The following COL4A6 variants were observed in gnomAD, a reference collection of about 807,000 sequenced individuals.
COL4A6 encodes collagen type IV alpha 6 chain.
A neutral mutation model predicts 126.7 loss-of-function variants in COL4A6; 59 were observed. The ratio of observed to expected loss-of-function variants is 0.47; its 90% CI spans 0.38 to 0.58. The LOEUF (loss-of-function observed/expected upper bound fraction) is 0.58, where lower values mean the gene tolerates loss of function less well. COL4A6 is among the 20% of genes least tolerant of loss of function. COL4A6 has a pLI of 0.00. For synonymous variants in COL4A6, 547 were observed against 496.6 expected (o/e 1.10, Z -1.35); for missense variants, 1,285 against 1,337.3 (o/e 0.96, Z 0.61).
At position 108,195,077 on chromosome X, in the gene COL4A6, A is replaced by C; in HGVS notation, c.948+5T>G. The C allele has an allele frequency of 8.3e-7, 1 of 1,200,522 alleles. No homozygotes were observed. The highest frequency in any genetic ancestry group is 1.1e-6 in the Non-Finnish European group (1 of 887,678). On this transcript the variant is annotated splice_donor_5th_base_variant and intron_variant, in intron 15 of 44. Coordinates refer to ENST00000334504, the MANE Select transcript of COL4A6 (RefSeq NM_033641.4). ...CCAAGGCTTTAATGATATTAACCAA[A>C]ATACCTGTTGCCCTGGAGGGCCTTG...
intron 3 of COL4A6, among the ~76,000 whole-genome samples, chrX:108,275,889 C>T (rs2147780807): frequency 8.9e-6 from 1 of 112,751 alleles, no homozygotes; most frequent in Non-Finnish European, 1.9e-5. Flanking sequence ...AAAATGTAAC[C>T]TTTGCCTTGG....
At chrX:108,174,345 A>C in intron 31 of COL4A6, 95 bp downstream of exon 31, 1 of 915,182 alleles carries the variant, frequency 1.1e-6, no homozygotes, top group Admixed American at 2.5e-5. Flanking sequence ...GGGGCTGAGA[A>C]GTAAGCTGGG....
chrX:108,280,905 C>A (rs1360548215), intron 3 of COL4A6, among the ~76,000 whole-genome samples: 1 of 111,898 alleles, frequency 8.9e-6, no homozygotes, highest in African/African-American at 3.3e-5. Flanking sequence ...ACATGATTAC[C>A]TCAACAGATG....
chrX:108,354,992 T>A (rs1206173735), intron 2 of COL4A6, among the ~76,000 whole-genome samples: 6 of 111,740 alleles, frequency 5.4e-5, no homozygotes, highest in Non-Finnish European at 1.1e-4. Flanking sequence ...GAAGTTGTGA[T>A]GTTAAAGAAA....
At chrX:108,207,991 TA>T (rs1279763363) in intron 8 of COL4A6, among the ~76,000 whole-genome samples, 2 of 111,283 alleles carry the variant, frequency 1.8e-5, no homozygotes, top group African/African-American at 3.3e-5. Context: ...TAGAATGTTA[TA>T]AAAAAACAAA....
chrX:108,429,538 T>G (rs761169412), intron 2 of COL4A6, among the ~76,000 whole-genome samples: 1 of 111,718 alleles, frequency 9.0e-6, no homozygotes, highest in Non-Finnish European at 1.9e-5. Context: ...GTGAATGTTA[T>G]CAATGTCAGT....
intron 2 of COL4A6, among the ~76,000 whole-genome samples, chrX:108,425,504 G>C (rs1240997962): frequency 3.6e-5 from 4 of 110,049 alleles, no homozygotes; most frequent in Non-Finnish European, 5.7e-5. Context: ...GAGGCTAAGG[G>C]GGGATGGATC....
At chrX:108,207,517 T>C (rs1217468443) in intron 8 of COL4A6, among the ~76,000 whole-genome samples, 1 of 111,352 alleles carries the variant, frequency 9.0e-6, no homozygotes, top group African/African-American at 3.3e-5. Flanking sequence ...GATGGATTGA[T>C]GGACAGAGAG....
chrX:108,383,367 A>C, intron 2 of COL4A6: 1 of 414,229 alleles, frequency 2.4e-6, no homozygotes. Context: ...CTAGCAACAG[A>C]GCACCAAGCT....
intron 2 of COL4A6, among the ~76,000 whole-genome samples, chrX:108,379,435 C>CTTTTTTT (rs1163909665): frequency 9.1e-5 from 7 of 76,968 alleles, no homozygotes; most frequent in East Asian, 4.4e-4. Context: ...AATTAAAAAA[C>CTTTTTTT]TTTTTTTTTT....
intron 3 of COL4A6, among the ~76,000 whole-genome samples, chrX:108,281,506 A>C (rs1232554086): frequency 9.2e-6 from 1 of 108,254 alleles, no homozygotes; most frequent in Non-Finnish European, 1.9e-5. Flanking sequence ...GGACACAAAC[A>C]AATGGAAGAA....
At chrX:108,299,678 T>A (rs1007006758) in intron 3 of COL4A6, among the ~76,000 whole-genome samples, 5 of 112,378 alleles carry the variant, frequency 4.4e-5, no homozygotes, top group Non-Finnish European at 9.4e-5. Context: ...TAACCAAACA[T>A]ACATTAATCT....
At chrX:108,247,541 T>TC (rs1367833182) in intron 3 of COL4A6, among the ~76,000 whole-genome samples, 1 of 109,510 alleles carries the variant, frequency 9.1e-6, no homozygotes, top group Non-Finnish European at 1.9e-5. Flanking sequence ...TAATTACCCT[T>TC]CCCCCACCAC....
chrX:108,185,748 C>T (rs1442708516), intron 23 of COL4A6, among the ~76,000 whole-genome samples: 1 of 111,982 alleles, frequency 8.9e-6, no homozygotes. Context: ...GTATTACCAT[C>T]CCTAGTATCA....
Position 108,165,013 on chromosome X carries a change from T to A in COL4A6, c.3834A>T (p.Pro1278=). 1 of 1,207,313 alleles carries A rather than the reference T, an allele frequency of 8.3e-7. No individual in the cohort carries two copies. Among genetic ancestry groups the A allele is most frequent in the Non-Finnish European group, 1.1e-6 (1 of 894,125 alleles). ...GATTCGAGGATGGCCCAGGGGGACCTGGGGGTCCAGCGGGGCCTGGGCGGC... is the reference window on the plus strand; with the variant it reads ...GATTCGAGGATGGCCCAGGGGGACCAGGGGGTCCAGCGGGGCCTGGGCGGC... ...ERGRPGPAGP[P]GPPGPSSNQG... The change falls in exon 39 of 45, where the codon CCA becomes CCT. Residue 1278 remains proline (P), a synonymous_variant. Transcript: ENST00000334504.
chrX:108,339,204 CTG>C (rs1368602256), intron 2 of COL4A6, among the ~76,000 whole-genome samples: 4 of 112,617 alleles, frequency 3.6e-5, no homozygotes, highest in Admixed American at 9.3e-5. Context: ...CTAGAGCTCT[CTG>C]TAGTTTTTGA....
intron 3 of COL4A6, among the ~76,000 whole-genome samples, chrX:108,253,308 A>G (rs1479099117): frequency 8.9e-6 from 1 of 112,238 alleles, no homozygotes; most frequent in Non-Finnish European, 1.9e-5. Context: ...AAGTTGTAGG[A>G]CACAAAAATC....
In COL4A6 at chrX:108,274,843, G is replaced by A. The variant is rs191325069; in HGVS notation, c.144+35905C>T. Among the ~76,000 whole-genome samples the A allele has an allele frequency of 3.9e-4, 43 of 111,339 alleles. 1 individual carries two copies. The highest frequency in any genetic ancestry group is 1.4e-3 in the African/African-American group (42 of 30,596). ...GAAGATTTTTCTTCAAAGCCAGCTG[G>A]ACATTTTTCTATAATATAATCATGG... On this transcript the variant is annotated intron_variant, in intron 3 of 44. Coordinates refer to ENST00000334504, the MANE Select transcript of COL4A6 (RefSeq NM_033641.4).
At chrX:108,199,437 T>C (rs1158077091) in intron 13 of COL4A6, among the ~76,000 whole-genome samples, 1 of 111,683 alleles carries the variant, frequency 9.0e-6, no homozygotes, top group Non-Finnish European at 1.9e-5. Flanking sequence ...AGGAGTTACC[T>C]GATTTGGCCA....
Sources: allele counts gnomAD v4.1 joint callset (sites outside exome capture counted in the v4.1 genomes callset), GRCh38; gene constraint gnomAD v4.1.1; transcripts MANE v1.5; gene names NCBI Gene and HGNC (gene_info 2026-07-23, HGNC 2026-07-21).